TRDN: variants seen among roughly 807,000 people sequenced by gnomAD.
TRDN encodes the protein triadin in skeletal muscle.
TRDN carries 161 observed loss-of-function variants against 149.7 expected under a neutral mutation model. That is an observed-to-expected ratio of 1.08 (90% confidence interval 0.95 to 1.23). The LOEUF (loss-of-function observed/expected upper bound fraction) is 1.23, where lower values mean the gene tolerates loss of function less well. Ranked by LOEUF, TRDN falls within the 50% of genes most tolerant of loss-of-function variation. The pLI is 0.00. For synonymous variants in TRDN, 294 were observed against 250.5 expected (o/e 1.17, Z -1.64); for missense variants, 896 against 823.5 (o/e 1.09, Z -1.08).
intron 10 of TRDN, among the ~76,000 whole-genome samples, chr6:123,460,312 A>G (rs1776374979): frequency 6.6e-6 from 1 of 152,212 alleles, no homozygotes; most frequent in South Asian, 2.1e-4. Context: ...AAGAGCTACC[A>G]TAAAATTAAT....
intron 38 of TRDN, among the ~76,000 whole-genome samples, chr6:123,240,631 A>G (rs1041513267): frequency 1.5e-4 from 23 of 151,936 alleles, no homozygotes; most frequent in Non-Finnish European, 2.8e-4. Context: ...AAATGAATTC[A>G]AAACATAATT....
intron 4 of TRDN, among the ~76,000 whole-genome samples, chr6:123,537,800 T>G (rs1476770349): frequency 6.6e-6 from 1 of 152,294 alleles, no homozygotes; most frequent in Non-Finnish European, 1.5e-5. Flanking sequence ...TTCCTGTGAA[T>G]GAGCTGATTT....
At chr6:123,261,822 T>C (rs1776781378) in intron 33 of TRDN, among the ~76,000 whole-genome samples, 1 of 151,910 alleles carries the variant, frequency 6.6e-6, no homozygotes, top group Non-Finnish European at 1.5e-5. Context: ...TTGGCAATAG[T>C]GTTCATATTA....
At chr6:123,388,939 T>C (rs973057537) in intron 13 of TRDN, among the ~76,000 whole-genome samples, 3 of 152,156 alleles carry the variant, frequency 2.0e-5, no homozygotes, top group Admixed American at 6.6e-5. Flanking sequence ...TTCCAAAAAT[T>C]ATCTATGCTT....
chr6:123,407,793 G>A (rs1020265399), intron 12 of TRDN, among the ~76,000 whole-genome samples: 4 of 152,088 alleles, frequency 2.6e-5, no homozygotes, highest in African/African-American at 9.7e-5. Flanking sequence ...GAAGGTAAAA[G>A]TAAGGTCTCT....
chr6:123,616,530 T>C (rs1785092111), intron 1 of TRDN, among the ~76,000 whole-genome samples: 1 of 152,208 alleles, frequency 6.6e-6, no homozygotes, highest in Admixed American at 6.5e-5. Flanking sequence ...ATACTTCATA[T>C]TTATTCATAT....
intron 12 of TRDN, among the ~76,000 whole-genome samples, chr6:123,398,608 A>C (rs1016581320): frequency 6.6e-6 from 1 of 152,220 alleles, no homozygotes; most frequent in Non-Finnish European, 1.5e-5. Context: ...AAAGGTTAAC[A>C]TTTAAGCTAA....
At chr6:123,613,238 A>G (rs1325902943) in intron 1 of TRDN, among the ~76,000 whole-genome samples, 1 of 152,228 alleles carries the variant, frequency 6.6e-6, no homozygotes, top group Non-Finnish European at 1.5e-5. Flanking sequence ...GCTAATGCCA[A>G]ACTTTCCATG....
chr6:123,337,201 C>T (rs1283208824), intron 22 of TRDN, among the ~76,000 whole-genome samples: 1 of 151,896 alleles, frequency 6.6e-6, no homozygotes, highest in Non-Finnish European at 1.5e-5. Flanking sequence ...TGTAGCTTTG[C>T]CATTTTTGTT....
At chr6:123,264,762 G>T (rs1776882096) in intron 33 of TRDN, among the ~76,000 whole-genome samples, 1 of 151,976 alleles carries the variant, frequency 6.6e-6, no homozygotes, top group South Asian at 2.1e-4. Flanking sequence ...ACCTTCATCA[G>T]TTAGCACCCA....
At chr6:123,568,318 A>T (rs773671540) in intron 2 of TRDN, among the ~76,000 whole-genome samples, 27 of 152,208 alleles carry the variant, frequency 1.8e-4, no homozygotes, top group Admixed American at 3.3e-4. Flanking sequence ...TTCTAGGTGC[A>T]GGGTGGAAGC....
chr6:123,228,512 C>T (rs1343233613), intron 38 of TRDN, among the ~76,000 whole-genome samples: 1 of 151,850 alleles, frequency 6.6e-6, no homozygotes, highest in African/African-American at 2.4e-5. Context: ...GAGAACTGAG[C>T]AAAGGGGACA....
At chr6:123,279,008 G>A (rs1356322592) in intron 25 of TRDN, 48 bp downstream of exon 25, 1 of 1,536,000 alleles carries the variant, frequency 6.5e-7, no homozygotes. Flanking sequence ...TTTTATGTAT[G>A]TATGTACATA....
At position 123,269,815 on chromosome 6, in the gene TRDN, A is replaced by G. The variant is rs746980043; in HGVS notation, c.1738+34T>C. Reference sequence around the variant, plus strand: ...TTGTTAAAGCTGAAATGGTCAAGCGATATTTCTCAGGTGTTATTCTATTCA... The same window carrying G: ...TTGTTAAAGCTGAAATGGTCAAGCGGTATTTCTCAGGTGTTATTCTATTCA... On this transcript the variant is annotated intron_variant, in intron 31 of 40. Transcript: ENST00000334268. The G allele has an allele frequency of 4.4e-5, 71 of 1,605,054 alleles. No individual in the cohort carries two copies. The Middle Eastern group carries it at 1.5e-3, about 34-fold the overall frequency.
chr6:123,573,744 C>A (rs1362010821), intron 1 of TRDN, among the ~76,000 whole-genome samples: 2 of 151,952 alleles, frequency 1.3e-5, no homozygotes, highest in Admixed American at 6.6e-5. Flanking sequence ...TGATCTATGG[C>A]AAATAGAGTT....
intron 12 of TRDN, among the ~76,000 whole-genome samples, chr6:123,428,618 A>G (rs1368684697): frequency 1.3e-5 from 2 of 152,220 alleles, no homozygotes; most frequent in African/African-American, 4.8e-5. Context: ...ACCACTGTTA[A>G]AAGTGTATGT....
intron 16 of TRDN, among the ~76,000 whole-genome samples, chr6:123,380,028 C>G (rs1207834948): frequency 6.6e-6 from 1 of 152,044 alleles, no homozygotes; most frequent in Non-Finnish European, 1.5e-5. Context: ...CAAAGAAATT[C>G]AAAGATACAA....
intron 4 of TRDN, among the ~76,000 whole-genome samples, chr6:123,542,915 T>C (rs2114407478): frequency 6.6e-6 from 1 of 151,588 alleles, no homozygotes; most frequent in Admixed American, 6.6e-5. Flanking sequence ...CGTCTGGCCC[T>C]GGTTTTAACT....
At position 123,218,744 on chromosome 6, in the gene TRDN, A is replaced by AACTGATG. The variant is rs1775031233; in HGVS notation, c.2051-5_2051-4insCATCAGT. On this transcript the variant is annotated splice_region_variant and splice_polypyrimidine_tract_variant and intron_variant, in intron 40 of 40. Transcript: ENST00000334268. ...CACTGGAAGAAACTGATGGGACCTAAGGAACAGAGCATGACAGTTTGTTAA... is the reference window on the plus strand; with the variant it reads ...CACTGGAAGAAACTGATGGGACCTAAACTGATGGGAACAGAGCATGACAGTTTGTTAA... 6.4e-7 allele frequency: 1 copy of AACTGATG among 1,562,642 alleles called. No individual in the cohort carries two copies. Among genetic ancestry groups the AACTGATG allele is most frequent in the Admixed American group, 1.9e-5 (1 of 51,724 alleles).
Sources: allele counts gnomAD v4.1 joint callset (sites outside exome capture counted in the v4.1 genomes callset), GRCh38; gene constraint gnomAD v4.1.1; transcripts MANE v1.5; gene names NCBI Gene and HGNC (gene_info 2026-07-23, HGNC 2026-07-21).